REV3L: variants seen among roughly 807,000 people sequenced by gnomAD.
The protein encoded by REV3L is REV3 like, DNA directed polymerase zeta catalytic subunit, also known as DNA polymerase zeta catalytic subunit.
Under a neutral mutation model 299.4 loss-of-function variants are expected in REV3L, and 69 were observed. The ratio of observed to expected loss-of-function variants is 0.23; its 90% confidence interval spans 0.19 to 0.28. The LOEUF is 0.28. Among genes scored for constraint, REV3L ranks in the 10% least tolerant of loss-of-function variants. The pLI is 1.00. For missense variants in REV3L, 3,128 were observed against 3,693.8 expected, an observed-to-expected ratio of 0.85 and a Z score of 3.97; for synonymous variants, 1,238 against 1,271.4, an observed-to-expected ratio of 0.97 and a Z score of 0.56.
intron 4 of REV3L, among the ~76,000 whole-genome samples, chr6:111,398,375 C>T (rs1782744593): frequency 6.6e-6 from 1 of 151,174 alleles, no homozygotes; most frequent in Non-Finnish European, 1.5e-5. Flanking sequence ...CTGTGGTGCT[C>T]AAAACATTTG....
At chr6:111,433,296 C>T (rs1787165208) in intron 1 of REV3L, among the ~76,000 whole-genome samples, 1 of 151,744 alleles carries the variant, frequency 6.6e-6, no homozygotes, top group African/African-American at 2.4e-5. Context: ...ACTAACAAAC[C>T]TTTAGCTAGG....
chr6:111,448,432 A>G (rs1286149672), intron 1 of REV3L, among the ~76,000 whole-genome samples: 1 of 151,138 alleles, frequency 6.6e-6, no homozygotes, highest in Middle Eastern at 3.2e-3. Flanking sequence ...TCTGCCTCCT[A>G]GGCTCAGATG....
chr6:111,322,125 G>A (rs1158483552), intron 26 of REV3L, among the ~76,000 whole-genome samples: 2 of 152,150 alleles, frequency 1.3e-5, no homozygotes, highest in African/African-American at 4.8e-5. Flanking sequence ...CTCTTAGAAG[G>A]TCAACATATT....
At position 111,466,822 on chromosome 6, in the gene REV3L, A is replaced by C. The variant is rs1019007442; in HGVS notation, c.139+15928T>G. On this transcript the variant is annotated intron_variant, in intron 1 of 31. Transcript: ENST00000368802. ...GCACCACAGCACTCTAGCCTGGGCG[A>C]CACAGTGAGACTCTGTCTCAAAAAA... Among the ~76,000 whole-genome samples, 9 of 150,212 alleles carry C rather than the reference A, an allele frequency of 6.0e-5. No individual in the cohort carries two copies. In the East Asian group the frequency reaches 1.7e-3, roughly 29 times the overall value.
At chr6:111,431,520 C>T (rs1044466096) in intron 1 of REV3L, 1 of 864,860 alleles carries the variant, frequency 1.2e-6, no homozygotes, top group African/African-American at 1.6e-5. Flanking sequence ...ATGAATGTTT[C>T]AACACCAGAC....
intron 1 of REV3L, among the ~76,000 whole-genome samples, chr6:111,468,645 GAA>G (rs1195139015): frequency 6.6e-6 from 1 of 152,164 alleles, no homozygotes; most frequent in African/African-American, 2.4e-5. Flanking sequence ...TGAAGACATG[GAA>G]AAAGTCTCCT....
intron 1 of REV3L, among the ~76,000 whole-genome samples, chr6:111,470,915 G>A (rs1792120607): frequency 6.6e-6 from 1 of 152,142 alleles, no homozygotes; most frequent in South Asian, 2.1e-4. Context: ...GGGAGGTGGA[G>A]GTTGCACGGA....
At chr6:111,447,270 A>T (rs1788972989) in intron 1 of REV3L, among the ~76,000 whole-genome samples, 1 of 152,202 alleles carries the variant, frequency 6.6e-6, no homozygotes, top group South Asian at 2.1e-4. Context: ...ATCACCAGTA[A>T]ACCGGGATGC....
intron 9 of REV3L, among the ~76,000 whole-genome samples, chr6:111,387,017 T>A (rs943249269): frequency 6.6e-6 from 1 of 152,294 alleles, no homozygotes; most frequent in Non-Finnish European, 1.5e-5. Context: ...CCACTGCTCC[T>A]GGCCAGCAGC....
At chr6:111,364,428 A>G (rs1419381699) in intron 15 of REV3L, among the ~76,000 whole-genome samples, 2 of 152,092 alleles carry the variant, frequency 1.3e-5, no homozygotes, top group Admixed American at 6.5e-5. Flanking sequence ...AAATAAAACA[A>G]TGTAATCTTC....
chr6:111,409,717 G>A (rs768847597), intron 3 of REV3L, among the ~76,000 whole-genome samples: 2 of 152,188 alleles, frequency 1.3e-5, no homozygotes, highest in African/African-American at 2.4e-5. Context: ...AGCACGCAGG[G>A]AAGGGTCTGG....
At chr6:111,444,080 G>C (rs911002909) in intron 1 of REV3L, among the ~76,000 whole-genome samples, 2 of 152,124 alleles carry the variant, frequency 1.3e-5, no homozygotes, top group Non-Finnish European at 2.9e-5. Flanking sequence ...GTATAGCAAT[G>C]GTAACTGACA....
intron 4 of REV3L, among the ~76,000 whole-genome samples, chr6:111,394,970 G>A (rs900251388): frequency 6.6e-6 from 1 of 152,134 alleles, no homozygotes; most frequent in Admixed American, 6.6e-5. Context: ...GAGATTAGAA[G>A]AGTAAGCCAC....
intron 3 of REV3L, among the ~76,000 whole-genome samples, chr6:111,407,901 C>T (rs527881359): frequency 1.3e-5 from 2 of 152,160 alleles, no homozygotes; most frequent in East Asian, 3.9e-4. Flanking sequence ...GTGCCATTGA[C>T]CTCCAGCCTG....
intron 21 of REV3L, among the ~76,000 whole-genome samples, chr6:111,337,897 G>A (rs1776075952): frequency 6.6e-6 from 1 of 152,126 alleles, no homozygotes; most frequent in South Asian, 2.1e-4. Context: ...TCTATGGAGA[G>A]TGCAGAAAAA....
intron 9 of REV3L, among the ~76,000 whole-genome samples, chr6:111,385,869 T>C (rs913362705): frequency 2.6e-5 from 4 of 152,094 alleles, no homozygotes; most frequent in Non-Finnish European, 4.4e-5. Context: ...CATTAGTAAT[T>C]AGGAAATGCA....
intron 1 of REV3L, among the ~76,000 whole-genome samples, chr6:111,478,011 G>C (rs1275048675): frequency 6.6e-6 from 1 of 152,100 alleles, no homozygotes; most frequent in African/African-American, 2.4e-5. Flanking sequence ...TAGAATTACT[G>C]GGTCAAAAAA....
intron 31 of REV3L, among the ~76,000 whole-genome samples, chr6:111,303,345 A>T (rs1350664995): frequency 3.7e-4 from 51 of 138,542 alleles, no homozygotes; most frequent in Admixed American, 8.0e-4. Flanking sequence ...CTAATTTTAA[A>T]TTTTAATTTT....
At chr6:111,372,145 T>TA (rs1287808988) in intron 13 of REV3L, among the ~76,000 whole-genome samples, 1 of 152,232 alleles carries the variant, frequency 6.6e-6, no homozygotes, top group Non-Finnish European at 1.5e-5. Context: ...AATCTTCACT[T>TA]AGAGATATAT....
Sources: gnomAD v4.1 joint callset for allele counts (sites outside exome capture counted in the v4.1 genomes callset) on GRCh38, gnomAD v4.1.1 for gene constraint, MANE v1.5 for transcripts, NCBI Gene and HGNC (gene_info 2026-07-23, HGNC 2026-07-21) for gene names.